NTRK3: variants seen among roughly 807,000 people sequenced by gnomAD.
The protein encoded by NTRK3 is neurotrophic receptor tyrosine kinase 3.
NTRK3 carries 24 observed loss-of-function variants against 91.7 expected under a neutral mutation model. That is an observed-to-expected ratio of 0.26 (90% CI 0.19 to 0.37). The LOEUF (loss-of-function observed/expected upper bound fraction) is 0.37. NTRK3 is among the 10% of genes least tolerant of loss of function. The pLI, the probability that NTRK3 is intolerant of heterozygous loss-of-function variation, is 1.00. For missense variants in NTRK3, 880 were observed against 1,068.9 expected, an observed-to-expected ratio of 0.82 and a Z score of 2.46; for synonymous variants, 483 against 404.0, an observed-to-expected ratio of 1.20 and a Z score of -2.34.
At chr15:87,973,399 G>T (rs1402948777) in intron 14 of NTRK3, among the ~76,000 whole-genome samples, 2 of 152,124 alleles carry the variant, frequency 1.3e-5, no homozygotes, top group Non-Finnish European at 2.9e-5. Context: ...AAGCAGACAA[G>T]GGACTTATCT....
At chr15:88,005,225 A>T (rs1212860460) in intron 14 of NTRK3, among the ~76,000 whole-genome samples, 1 of 152,156 alleles carries the variant, frequency 6.6e-6, no homozygotes, top group Admixed American at 6.5e-5. Context: ...GCCTAAGTAC[A>T]GGCTGCCATG....
chr15:88,146,101 C>T (rs765921062), intron 6 of NTRK3, among the ~76,000 whole-genome samples: 1 of 152,170 alleles, frequency 6.6e-6, no homozygotes, highest in Non-Finnish European at 1.5e-5. Flanking sequence ...TAAGAGATTG[C>T]TTGGCACAAT....
At chr15:88,009,411 C>G (rs1213881528) in intron 14 of NTRK3, among the ~76,000 whole-genome samples, 1 of 152,136 alleles carries the variant, frequency 6.6e-6, no homozygotes, top group African/African-American at 2.4e-5. Flanking sequence ...AAAAGGGGAA[C>G]ACAAGCTCTG....
intron 17 of NTRK3, among the ~76,000 whole-genome samples, chr15:87,918,981 A>C (rs1351763487): frequency 6.6e-6 from 1 of 152,214 alleles, no homozygotes; most frequent in East Asian, 1.9e-4. Context: ...GTCCAGGAAA[A>C]AAAGCAGTAA....
intron 3 of NTRK3, among the ~76,000 whole-genome samples, chr15:88,226,361 G>A (rs987841190): frequency 2.0e-5 from 3 of 152,166 alleles, no homozygotes; most frequent in African/African-American, 4.8e-5. Flanking sequence ...AGGAAGTGCC[G>A]ACTGGATGGT....
intron 13 of NTRK3, among the ~76,000 whole-genome samples, chr15:88,069,540 G>A (rs998327372): frequency 3.0e-4 from 46 of 152,254 alleles, no homozygotes; most frequent in African/African-American, 7.9e-4. Context: ...GGAACCTCCC[G>A]TGAAGAAGCA....
chr15:87,895,453 T>C (rs1325816765), intron 17 of NTRK3, among the ~76,000 whole-genome samples: 1 of 152,196 alleles, frequency 6.6e-6, no homozygotes, highest in Non-Finnish European at 1.5e-5. Flanking sequence ...TGGGTTTTAT[T>C]TAACCTTGTA....
intron 14 of NTRK3, among the ~76,000 whole-genome samples, chr15:87,973,960 T>G (rs1005934334): frequency 3.3e-5 from 5 of 152,128 alleles, no homozygotes; most frequent in African/African-American, 4.8e-5. Context: ...TCCGGCTCTT[T>G]GCCTAATCCA....
intron 13 of NTRK3, among the ~76,000 whole-genome samples, chr15:88,094,394 G>A (rs1340804260): frequency 2.0e-5 from 3 of 150,300 alleles, no homozygotes; most frequent in Admixed American, 6.6e-5. Context: ...GCGTGAACCC[G>A]GGAAGCGGAG....
rs1047694632 is a variant in NTRK3 at position 88,144,774 on chromosome 15, C to G, written c.464+2561G>C. ...CAGAACCTCACACACATTAGATGCT[C>G]AAGATGTGCCTCTTCCTTCTCCTTC... On this transcript the variant is annotated intron_variant, in intron 6 of 18. Coordinates refer to ENST00000394480, the Ensembl canonical transcript of NTRK3. Among the ~76,000 whole-genome samples, 52 of 152,148 alleles carry G rather than the reference C, an allele frequency of 3.4e-4. 1 individual carries two copies. The highest frequency in any genetic ancestry group is 1.0e-4 in the Non-Finnish European group (7 of 68,026).
intron 13 of NTRK3, among the ~76,000 whole-genome samples, chr15:88,033,474 C>T (rs574730844): frequency 6.6e-6 from 1 of 151,778 alleles, no homozygotes; most frequent in South Asian, 2.1e-4. Context: ...CCATGCCTGG[C>T]TAATTTTTGT....
chr15:88,200,423 G>T (rs962090793), intron 3 of NTRK3, among the ~76,000 whole-genome samples: 11 of 152,160 alleles, frequency 7.2e-5, no homozygotes, highest in African/African-American at 2.7e-4. Context: ...GATATGGTTT[G>T]GCTGTGCCCC....
chr15:87,994,017 T>G (rs970226436), intron 14 of NTRK3, among the ~76,000 whole-genome samples: 1 of 152,296 alleles, frequency 6.6e-6, no homozygotes, highest in Admixed American at 6.5e-5. Context: ...CATGGGGTCC[T>G]AAAACAGATT....
exon 19 of NTRK3, chr15:87,871,813 C>T (rs532402281): frequency 1.4e-5 from 3 of 221,522 alleles, no homozygotes; most frequent in Admixed American, 5.8e-5. Context: ...TAGAAATAAA[C>T]ACACAACGTA....
At chr15:88,136,486 T>G in exon 8 of NTRK3, 1 of 1,614,168 alleles carries the variant, frequency 6.2e-7, no homozygotes, top group Non-Finnish European at 8.5e-7. Flanking sequence ...GTTGATGGAC[T>G]GCAGCCCAGT....
chr15:88,063,206 G>T (rs1449162323), intron 13 of NTRK3, among the ~76,000 whole-genome samples: 12 of 152,212 alleles, frequency 7.9e-5, no homozygotes, highest in African/African-American at 2.9e-4. Context: ...CACATAGTGA[G>T]TGCTCCATAC....
At chr15:88,239,945 G>T (rs1224455234) in intron 3 of NTRK3, among the ~76,000 whole-genome samples, 2 of 152,122 alleles carry the variant, frequency 1.3e-5, no homozygotes, top group African/African-American at 2.4e-5. Context: ...GTGGGGCCCA[G>T]CGGTCGGTGT....
chr15:88,092,105 C>T (rs2049070562), intron 13 of NTRK3, among the ~76,000 whole-genome samples: 1 of 152,232 alleles, frequency 6.6e-6, no homozygotes, highest in Non-Finnish European at 1.5e-5. Context: ...AGCACCAAAG[C>T]ACAGGTTCTT....
chr15:88,200,993 C>T (rs918849132), intron 3 of NTRK3, among the ~76,000 whole-genome samples: 1 of 152,226 alleles, frequency 6.6e-6, no homozygotes, highest in African/African-American at 2.4e-5. Context: ...GACTCAAGTC[C>T]TGCTCACACT....
Sources: allele counts gnomAD v4.1 joint callset (sites outside exome capture counted in the v4.1 genomes callset), GRCh38; gene constraint gnomAD v4.1.1; transcripts MANE v1.5; gene names NCBI Gene and HGNC (gene_info 2026-07-23, HGNC 2026-07-21).